The following IGSF10 variants were observed in gnomAD, a reference collection of about 807,000 sequenced individuals.
IGSF10 encodes the protein calvaria mechanical force protein 608.
IGSF10 carries 126 observed loss-of-function variants against 128.2 expected under a neutral mutation model. The ratio of observed to expected loss-of-function variants is 0.98; its 90% CI spans 0.85 to 1.14. The LOEUF (loss-of-function observed/expected upper bound fraction) is 1.14. Ranked by LOEUF, IGSF10 falls within the 50% of genes most tolerant of loss-of-function variation. The pLI, the probability that IGSF10 is intolerant of heterozygous loss-of-function variation, is 0.00. For missense variants in IGSF10, 3,295 were observed against 3,149.8 expected (o/e 1.05, Z -1.10); for synonymous variants, 1,185 against 1,146.2 (o/e 1.03, Z -0.68).
At chr3:151,468,615 T>C in the IGSF10 span, among the ~76,000 whole-genome samples, 1 of 152,198 alleles carries the variant, frequency 6.6e-6, no homozygotes, top group African/African-American at 2.4e-5. Context: ...TTAAAATAAA[T>C]GGGGAGTCGT....
the IGSF10 span, among the ~76,000 whole-genome samples, chr3:151,478,791 A>G: frequency 6.6e-6 from 1 of 152,232 alleles, no homozygotes; most frequent in South Asian, 2.1e-4. Context: ...ACTAAAAAAA[A>G]GAGTGTGATA....
the IGSF10 span, among the ~76,000 whole-genome samples, chr3:151,492,539 G>A: frequency 2.6e-5 from 4 of 151,962 alleles, no homozygotes; most frequent in African/African-American, 4.8e-5. Context: ...GTTTGAGACC[G>A]GCCTGACACC....
chr3:151,439,090 T>C (rs1191978256), intron 7 of IGSF10, among the ~76,000 whole-genome samples: 1 of 152,158 alleles, frequency 6.6e-6, no homozygotes, highest in African/African-American at 2.4e-5. Flanking sequence ...CTCCGTTACA[T>C]AGTAATTTTT....
the IGSF10 span, among the ~76,000 whole-genome samples, chr3:151,563,325 G>T: frequency 6.6e-6 from 1 of 151,970 alleles, no homozygotes; most frequent in African/African-American, 2.4e-5. Flanking sequence ...TACACTTTAG[G>T]CATCAACTAA....
the IGSF10 span, among the ~76,000 whole-genome samples, chr3:151,520,185 G>T: frequency 6.6e-6 from 1 of 151,522 alleles, no homozygotes; most frequent in East Asian, 1.9e-4. Flanking sequence ...GATATATTTT[G>T]TTGTTGCCAG....
the IGSF10 span, among the ~76,000 whole-genome samples, chr3:151,513,646 A>T: frequency 6.6e-5 from 10 of 152,184 alleles, no homozygotes; most frequent in Non-Finnish European, 1.2e-4. Context: ...GAAGGAAATA[A>T]AGGGCATTCA....
the IGSF10 span, among the ~76,000 whole-genome samples, chr3:151,470,692 C>T: frequency 6.6e-6 from 1 of 152,120 alleles, no homozygotes; most frequent in Non-Finnish European, 1.5e-5. Flanking sequence ...AGGCCCATTG[C>T]ATACTATAGC....
At position 151,444,614 on chromosome 3, in the gene IGSF10, A is replaced by G. The variant is rs1464189099; in HGVS notation, c.5062+305T>C. Among the ~76,000 whole-genome samples the G allele has an allele frequency of 3.3e-5, 5 of 152,224 alleles. No homozygotes were observed. In the East Asian group the frequency reaches 9.7e-4, roughly 29 times the overall value. Reference sequence around the variant, plus strand: ...ACGTGAGCCACTGTGCTCAGCCTGGATTTTTTTATTCACATAATTTTACTT... The same window carrying G: ...ACGTGAGCCACTGTGCTCAGCCTGGGTTTTTTTATTCACATAATTTTACTT... On this transcript the variant is annotated intron_variant, in intron 6 of 7. Coordinates refer to ENST00000282466, the MANE Select transcript of IGSF10 (RefSeq NM_178822.5).
At chr3:151,526,274 C>T in the IGSF10 span, among the ~76,000 whole-genome samples, 1 of 151,342 alleles carries the variant, frequency 6.6e-6, no homozygotes, top group African/African-American at 2.4e-5. Flanking sequence ...GGCTGGAAGC[C>T]TTTGACCTTC....
At chr3:151,484,497 C>T in the IGSF10 span, among the ~76,000 whole-genome samples, 1 of 152,130 alleles carries the variant, frequency 6.6e-6, no homozygotes, top group South Asian at 2.1e-4. Context: ...CCTGTGTATC[C>T]TGACTGGGAG....
Position 151,438,271 on chromosome 3 carries a change from G to A in IGSF10, c.6290C>T (p.Thr2097Ile). 1 of 1,614,122 alleles carries A rather than the reference G, an allele frequency of 6.2e-7. No individual in the cohort carries two copies. The highest frequency in any genetic ancestry group is 8.5e-7 in the Non-Finnish European group (1 of 1,180,006). Residue 2097 changes from threonine to isoleucine, a missense_variant, in exon 8 of 8, where the codon ACC (threonine) becomes ATC (isoleucine). Transcript: ENST00000282466. ...GTATAAAGTTCCATTGTTGAAAAGGGTATATCTCCTAGTCCTGTGGCCACT... is the reference window on the plus strand; with the variant it reads ...GTATAAAGTTCCATTGTTGAAAAGGATATATCTCCTAGTCCTGTGGCCACT... Reference protein sequence around the residue: ...DDSGHRTRRYTLFNNGTLYFN... With the variant: ...DDSGHRTRRYILFNNGTLYFN...
chr3:151,490,475 A>C, the IGSF10 span, among the ~76,000 whole-genome samples: 1 of 150,936 alleles, frequency 6.6e-6, no homozygotes, highest in Admixed American at 6.7e-5. Context: ...TAGACAGAAA[A>C]TTAATATGAG....
the IGSF10 span, among the ~76,000 whole-genome samples, chr3:151,574,211 C>G: frequency 1.3e-5 from 2 of 152,040 alleles, no homozygotes; most frequent in African/African-American, 4.8e-5. Context: ...TTGCTCTTCT[C>G]GAGGAGTATC....
chr3:151,578,339 CA>C, the IGSF10 span, among the ~76,000 whole-genome samples: 1 of 152,118 alleles, frequency 6.6e-6, no homozygotes, highest in African/African-American at 2.4e-5. Flanking sequence ...GGCAAGTACT[CA>C]ACTCTGTGGT....
the IGSF10 span, among the ~76,000 whole-genome samples, chr3:151,534,851 A>C: frequency 6.6e-6 from 1 of 150,594 alleles, no homozygotes; most frequent in African/African-American, 2.4e-5. Flanking sequence ...GGGCAGGGTT[A>C]TAGGAATCTA....
At chr3:151,572,007 T>C in the IGSF10 span, among the ~76,000 whole-genome samples, 1 of 152,240 alleles carries the variant, frequency 6.6e-6, no homozygotes, top group Non-Finnish European at 1.5e-5. Context: ...GTTCTGTTTA[T>C]GTGACGGATT....
chr3:151,458,784 G>A (rs1721925064), intron 2 of IGSF10, 74 bp from the exon 3 acceptor site: 2 of 1,255,108 alleles, frequency 1.6e-6, no homozygotes, highest in East Asian at 2.4e-5. Context: ...CACTCACTCT[G>A]GGAATCTGGG....
chr3:151,530,649 C>T, the IGSF10 span, among the ~76,000 whole-genome samples: 1 of 152,122 alleles, frequency 6.6e-6, no homozygotes, highest in Non-Finnish European at 1.5e-5. Flanking sequence ...AAGTCCTTTA[C>T]AGACAAGCAA....
Position 151,436,677 on chromosome 3 carries a change from T to A in IGSF10, c.*12A>T. 1 of 1,555,732 alleles carries A rather than the reference T, an allele frequency of 6.4e-7. No individual in the cohort carries two copies. The highest frequency in any genetic ancestry group is 8.7e-7 in the Non-Finnish European group (1 of 1,148,046). The stretch of plus-strand genomic sequence containing the variant: ...AATTCTGCCCAGATGTTGTTGACTT[T>A]ATTATTTCATGTCAGATTACTTGAA... On this transcript the variant is annotated 3_prime_UTR_variant, in exon 8 of 8. Coordinates refer to ENST00000282466, the MANE Select transcript of IGSF10 (RefSeq NM_178822.5).
Sources: allele counts gnomAD v4.1 joint callset (sites outside exome capture counted in the v4.1 genomes callset), GRCh38; gene constraint gnomAD v4.1.1; transcripts MANE v1.5; gene names NCBI Gene and HGNC (gene_info 2026-07-23, HGNC 2026-07-21).